FAF1: variants seen among roughly 807,000 people sequenced by gnomAD.
FAF1 encodes Fas associated factor 1, also known as FAS-associated factor 1.
Under a neutral mutation model 92.5 loss-of-function variants are expected in FAF1, and 25 were observed. The observed-to-expected ratio is 0.27, with a 90% CI of 0.20 to 0.38. The LOEUF (loss-of-function observed/expected upper bound fraction) is 0.38, where lower values mean the gene tolerates loss of function less well. Among genes scored for constraint, FAF1 ranks in the 10% least tolerant of loss-of-function variants. The pLI, the probability that FAF1 is intolerant of heterozygous loss-of-function variation, is 1.00. For synonymous variants in FAF1, 234 were observed against 273.2 expected (o/e 0.86, Z 1.42); for missense variants, 636 against 793.3 (o/e 0.80, Z 2.38).
At chr1:50,666,040 GGT>G (rs1655606671) in intron 7 of FAF1, among the ~76,000 whole-genome samples, 1 of 151,770 alleles carries the variant, frequency 6.6e-6, no homozygotes, top group African/African-American at 2.4e-5. Flanking sequence ...AGCTAGGCGT[GGT>G]GGTGCATCCT....
chr1:50,558,013 A>G (rs1189561593), intron 13 of FAF1, among the ~76,000 whole-genome samples: 1 of 151,842 alleles, frequency 6.6e-6, no homozygotes, highest in Non-Finnish European at 1.5e-5. Context: ...CCTGGGCTCA[A>G]GCAGCCTCCC....
At chr1:50,937,327 A>G (rs1290165362) in intron 1 of FAF1, among the ~76,000 whole-genome samples, 1 of 152,088 alleles carries the variant, frequency 6.6e-6, no homozygotes, top group Non-Finnish European at 1.5e-5. Context: ...AGGGGAGCTA[A>G]GTAGTAAGAG....
At chr1:50,880,662 A>AG (rs1343895260) in intron 1 of FAF1, among the ~76,000 whole-genome samples, 1 of 152,258 alleles carries the variant, frequency 6.6e-6, no homozygotes, top group Admixed American at 6.5e-5. Flanking sequence ...GTGGACTTCT[A>AG]GCCTCCAGAA....
At chr1:50,943,033 A>G (rs941879955) in intron 1 of FAF1, among the ~76,000 whole-genome samples, 3 of 152,148 alleles carry the variant, frequency 2.0e-5, no homozygotes, top group Non-Finnish European at 4.4e-5. Flanking sequence ...TAGAACAATC[A>G]GTACCCTATT....
At chr1:50,489,828 G>A (rs1402225490) in intron 17 of FAF1, among the ~76,000 whole-genome samples, 2 of 152,190 alleles carry the variant, frequency 1.3e-5, no homozygotes, top group Non-Finnish European at 2.9e-5. Context: ...GTGGAAGGGA[G>A]AAGAGATACA....
At chr1:50,561,009 G>C (rs1317805174) in intron 13 of FAF1, among the ~76,000 whole-genome samples, 1 of 152,170 alleles carries the variant, frequency 6.6e-6, no homozygotes, top group Non-Finnish European at 1.5e-5. Context: ...TGTTCTAATA[G>C]AACATGCCTG....
intron 8 of FAF1, among the ~76,000 whole-genome samples, chr1:50,619,452 T>C (rs1653088683): frequency 1.3e-5 from 2 of 152,234 alleles, no homozygotes; most frequent in South Asian, 4.1e-4. Context: ...CCCTCAGCAT[T>C]TGCTTGTCTG....
intron 18 of FAF1, among the ~76,000 whole-genome samples, chr1:50,448,029 G>T (rs1473493851): frequency 6.6e-6 from 1 of 152,194 alleles, no homozygotes; most frequent in Non-Finnish European, 1.5e-5. Flanking sequence ...GAGTAAACTG[G>T]ATTGCAGTTA....
chr1:50,892,198 C>T (rs1644725639), intron 1 of FAF1, among the ~76,000 whole-genome samples: 1 of 152,184 alleles, frequency 6.6e-6, no homozygotes, highest in Non-Finnish European at 1.5e-5. Context: ...TTTGCTAAGA[C>T]CATTCAAAAA....
intron 13 of FAF1, among the ~76,000 whole-genome samples, chr1:50,555,250 C>CAT (rs1392515105): frequency 6.7e-6 from 1 of 149,998 alleles, no homozygotes; most frequent in African/African-American, 2.5e-5. Flanking sequence ...GACCCTGACA[C>CAT]ACACACACAC....
Position 50,802,007 on chromosome 1 carries a change from C to T in FAF1, c.115-330G>A, listed in dbSNP as rs148337945. Among the ~76,000 whole-genome samples the T allele has an allele frequency of 5.9e-5, 9 of 152,244 alleles. No homozygotes were observed. The East Asian group carries it at 1.7e-3, about 29-fold the overall frequency. On this transcript the variant is annotated intron_variant, in intron 2 of 18. Transcript: ENST00000396153. ...AAACAGGAAAAATCAGTAACTTCAT[C>T]TTATAAACATTATTTCCTTTGTCAA... is the stretch of plus-strand genomic sequence containing the variant.
At chr1:50,921,063 G>A (rs1644958974) in intron 1 of FAF1, among the ~76,000 whole-genome samples, 1 of 152,200 alleles carries the variant, frequency 6.6e-6, no homozygotes, top group Non-Finnish European at 1.5e-5. Context: ...ATAAGTAAAT[G>A]TATACAGTAA....
chr1:50,570,328 T>C (rs1650374707), intron 12 of FAF1, among the ~76,000 whole-genome samples: 1 of 152,218 alleles, frequency 6.6e-6, no homozygotes, highest in Admixed American at 6.5e-5. Flanking sequence ...AAGTGTTTAG[T>C]TAGAGAAAAA....
chr1:50,556,034 A>G (rs1649559544), intron 13 of FAF1, among the ~76,000 whole-genome samples: 1 of 151,740 alleles, frequency 6.6e-6, no homozygotes, highest in South Asian at 2.1e-4. Flanking sequence ...ACTCAGCTAT[A>G]AAAAAGAATA....
intron 1 of FAF1, among the ~76,000 whole-genome samples, 156 bp from the exon 2 acceptor site, chr1:50,858,153 C>T (rs543429426): frequency 3.7e-4 from 56 of 151,752 alleles, no homozygotes; most frequent in East Asian, 3.5e-3. Context: ...AAGCATTTTA[C>T]ATATATGGTG....
intron 4 of FAF1, among the ~76,000 whole-genome samples, chr1:50,779,438 A>G (rs961429030): frequency 2.6e-5 from 4 of 152,190 alleles, no homozygotes; most frequent in African/African-American, 7.2e-5. Context: ...TATTTCTTGA[A>G]TAACAAGACT....
chr1:50,695,673 G>C (rs1657169500), intron 7 of FAF1, among the ~76,000 whole-genome samples: 1 of 152,128 alleles, frequency 6.6e-6, no homozygotes, highest in African/African-American at 2.4e-5. Context: ...CTGAGACAGA[G>C]TCTCGCTCTT....
At chr1:50,593,443 G>A (rs1420847746) in intron 9 of FAF1, among the ~76,000 whole-genome samples, 2 of 152,104 alleles carry the variant, frequency 1.3e-5, no homozygotes, top group Non-Finnish European at 2.9e-5. Flanking sequence ...TAATGTTAGT[G>A]GATTTATCCA....
In FAF1 at chr1:50,515,765, T is replaced by G. The variant is rs1647209924; in HGVS notation, c.1494+19604A>C. Reference sequence around the variant, plus strand: ...ATACCTTCAAAAAAATGTGCCCTAATGCACATTTTCAGCCTTCTCCCTCCT... The same window carrying G: ...ATACCTTCAAAAAAATGTGCCCTAAGGCACATTTTCAGCCTTCTCCCTCCT... On this transcript the variant is annotated intron_variant, in intron 15 of 18. Coordinates refer to ENST00000396153, the MANE Select transcript of FAF1 (RefSeq NM_007051.3). 2.0e-5 allele frequency among the ~76,000 whole-genome samples: 3 copies of G among 152,070 alleles called. No individual in the cohort carries two copies. The South Asian group carries it at 6.2e-4, about 32-fold the overall frequency.
Sources: allele counts gnomAD v4.1 joint callset (sites outside exome capture counted in the v4.1 genomes callset), GRCh38; gene constraint gnomAD v4.1.1; transcripts MANE v1.5; gene names NCBI Gene and HGNC (gene_info 2026-07-23, HGNC 2026-07-21).